The following KAZN variants were observed in gnomAD, a reference collection of about 807,000 sequenced individuals.
The protein encoded by KAZN is kazrin.
In KAZN, 40 loss-of-function variants were observed where a neutral mutation model predicts 87.4. The ratio of observed to expected loss-of-function variants is 0.46; its 90% confidence interval spans 0.36 to 0.60. KAZN has a LOEUF of 0.60. Among genes scored for constraint, KAZN ranks in the 20% least tolerant of loss-of-function variants. KAZN has a pLI of 0.00. For synonymous variants in KAZN, 466 were observed against 458.3 expected, an observed-to-expected ratio of 1.02 and a Z score of -0.22; for missense variants, 898 against 1,073.9, an observed-to-expected ratio of 0.84 and a Z score of 2.29.
intron 2 of KAZN, among the ~76,000 whole-genome samples, chr1:14,502,972 G>T (rs554284039): frequency 8.7e-4 from 132 of 152,144 alleles, no homozygotes; most frequent in Non-Finnish European, 1.8e-3. Context: ...CTTCTCTCCT[G>T]TGCTTCTTCT....
intron 2 of KAZN, among the ~76,000 whole-genome samples, chr1:14,464,305 A>C (rs1262246500): frequency 6.6e-6 from 1 of 152,176 alleles, no homozygotes; most frequent in Non-Finnish European, 1.5e-5. Context: ...ATTAGTCCTC[A>C]ACAGTTAAAA....
In KAZN at chr1:14,816,010, G is replaced by A. The variant is rs112124875; in HGVS notation, c.227-144674G>A. Among the ~76,000 whole-genome samples the A allele has an allele frequency of 6.1e-3, 921 of 152,212 alleles. 13 individuals carry two copies. The highest frequency in any genetic ancestry group is 0.021 in the African/African-American group (891 of 41,522). On this transcript the variant is annotated intron_variant, in intron 1 of 14. Coordinates refer to ENST00000376030, the MANE Select transcript of KAZN (RefSeq NM_201628.3). Reference sequence around the variant, plus strand: ...GGTGACATTTCTCATTCCAAGCCAGGCACCTTAGCAAGGCTGACATTGTAG... The same window carrying A: ...GGTGACATTTCTCATTCCAAGCCAGACACCTTAGCAAGGCTGACATTGTAG...
intron 8 of KAZN, among the ~76,000 whole-genome samples, chr1:15,079,687 C>T (rs1639909761): frequency 1.3e-5 from 2 of 152,128 alleles, no homozygotes; most frequent in South Asian, 2.1e-4. Flanking sequence ...TGGGATCCAC[C>T]TTTCAGGGCT....
At position 14,143,013 on chromosome 1, in the gene KAZN, G is replaced by A. The variant is rs999693803; in HGVS notation, c.92-37422G>A. On this transcript the variant is annotated intron_variant, in intron 1 of 16. Coordinates refer to the KAZN transcript ENST00000636203. The stretch of plus-strand genomic sequence containing the variant: ...GAGGCCAGCATGAGCCAAAGTTTGC[G>A]GTAATTATCTCGGGGATGGAGCAGC... Among the ~76,000 whole-genome samples the A allele has an allele frequency of 2.6e-5, 4 of 152,032 alleles. No individual in the cohort carries two copies. In the East Asian group the frequency reaches 5.8e-4, roughly 22 times the overall value.
intron 1 of KAZN, among the ~76,000 whole-genome samples, chr1:13,996,029 C>T (rs190158099): frequency 4.0e-5 from 6 of 151,888 alleles, no homozygotes; most frequent in Non-Finnish European, 7.4e-5. Context: ...ATCCAGGTTC[C>T]GTCATCACAA....
chr1:14,304,491 G>T (rs138168059), intron 2 of KAZN: 1 of 396,192 alleles, frequency 2.5e-6, no homozygotes, highest in Non-Finnish European at 4.4e-6. Flanking sequence ...GCTTCAATGA[G>T]CAACTGGAAT....
intron 1 of KAZN, among the ~76,000 whole-genome samples, chr1:14,900,096 A>G (rs1013962004): frequency 2.6e-5 from 4 of 152,180 alleles, no homozygotes; most frequent in Admixed American, 1.3e-4. Flanking sequence ...TGACCTGTGT[A>G]TCCCAGGGCT....
intron 1 of KAZN, among the ~76,000 whole-genome samples, chr1:14,654,604 G>A (rs1486046629): frequency 2.6e-5 from 4 of 152,158 alleles, no homozygotes; most frequent in Non-Finnish European, 5.9e-5. Context: ...AGCCTCCTCT[G>A]CAGTGGAAAA....
chr1:14,672,923 A>G (rs115160036), intron 1 of KAZN, among the ~76,000 whole-genome samples: 3,457 of 152,224 alleles, frequency 0.023, 109 homozygotes, highest in Admixed American at 0.093. Context: ...ACAAGCTTCT[A>G]CCTCAGAGTC....
At chr1:15,113,759 TTC>T (rs1397774738) in intron 14 of KAZN, 1 of 152,094 alleles carries the variant, frequency 6.6e-6, no homozygotes, top group East Asian at 1.9e-4. Flanking sequence ...GTTCAAGTGA[TTC>T]TCATGCCTCG....
chr1:14,929,833 C>G (rs772477316), intron 1 of KAZN: 2 of 985,446 alleles, frequency 2.0e-6, no homozygotes, highest in Non-Finnish European at 2.4e-6. Context: ...CTCCTGTTCA[C>G]AAGGACAACC....
chr1:15,006,532 G>A (rs1341032136), intron 2 of KAZN, among the ~76,000 whole-genome samples: 2 of 152,220 alleles, frequency 1.3e-5, no homozygotes, highest in Non-Finnish European at 2.9e-5. Context: ...AGGCCCACGT[G>A]TCAGAGCGGA....
At chr1:14,252,047 G>T (rs1650095913) in intron 2 of KAZN, among the ~76,000 whole-genome samples, 1 of 152,136 alleles carries the variant, frequency 6.6e-6, no homozygotes, top group East Asian at 1.9e-4. Context: ...CTTGGAAGAG[G>T]AGCCCAGATT....
At chr1:14,205,087 G>T (rs930002889) in intron 2 of KAZN, among the ~76,000 whole-genome samples, 3 of 152,252 alleles carry the variant, frequency 2.0e-5, no homozygotes, top group African/African-American at 7.2e-5. Flanking sequence ...TCAGGAGGCA[G>T]ATGGGGAAGA....
At chr1:13,921,156 C>G (rs1640052695) in intron 1 of KAZN, among the ~76,000 whole-genome samples, 1 of 152,076 alleles carries the variant, frequency 6.6e-6, no homozygotes, top group Admixed American at 6.5e-5. Context: ...TTTTTTATTT[C>G]CATAATACAT....
chr1:14,573,883 T>C lies in KAZN; in HGVS notation c.250-25100T>C, dbSNP rs186415467. ...GTACCTGAAACAAGAAACATCTTAATAAAGAAAAAAAAGTCTTAATTAAGA... is the reference window on the plus strand; with the variant it reads ...GTACCTGAAACAAGAAACATCTTAACAAAGAAAAAAAAGTCTTAATTAAGA... On this transcript the variant is annotated intron_variant, in intron 2 of 16. Coordinates refer to the KAZN transcript ENST00000636203. 7.6e-4 allele frequency among the ~76,000 whole-genome samples: 115 copies of C among 151,732 alleles called. 2 individuals carry two copies. The East Asian group carries it at 0.02, about 27-fold the overall frequency.
At position 14,218,704 on chromosome 1, in the gene KAZN, C is replaced by T. The variant is rs148316103; in HGVS notation, c.249+38112C>T. ...ATTTGTCATTTTTGAAAATAATAAC[C>T]ACTTATTTTTTAAACTGGTAAATAA... On this transcript the variant is annotated intron_variant, in intron 2 of 16. Coordinates refer to the KAZN transcript ENST00000636203. Among the ~76,000 whole-genome samples, 1,495 of 152,026 alleles carry T rather than the reference C, an allele frequency of 9.8e-3. 19 individuals are homozygous for T. Among genetic ancestry groups the T allele is most frequent in the African/African-American group, 0.034 (1,425 of 41,496 alleles).
intron 2 of KAZN, among the ~76,000 whole-genome samples, chr1:14,548,217 G>A (rs1041606338): frequency 1.7e-5 from 1 of 59,324 alleles, no homozygotes; most frequent in African/African-American, 6.7e-5. Flanking sequence ...TTTTTTTTTT[G>A]AGACAGAGTC....
chr1:14,355,316 T>C (rs1012181276), intron 2 of KAZN, among the ~76,000 whole-genome samples: 4 of 152,216 alleles, frequency 2.6e-5, no homozygotes, highest in Admixed American at 6.5e-5. Flanking sequence ...TTTTACTATA[T>C]GCAATTATAC....
Sources: gnomAD v4.1 joint callset for allele counts (sites outside exome capture counted in the v4.1 genomes callset) on GRCh38, gnomAD v4.1.1 for gene constraint, MANE v1.5 for transcripts, NCBI Gene and HGNC (gene_info 2026-07-23, HGNC 2026-07-21) for gene names.